Variants in ANKS1A observed in about 807,000 individuals in gnomAD.
ANKS1A encodes the protein ankyrin repeat and sterile alpha motif domain containing 1A.
Under a neutral mutation model 120.3 loss-of-function variants are expected in ANKS1A, and 55 were observed. The observed-to-expected ratio is 0.46, with a 90% CI of 0.37 to 0.57. The LOEUF is 0.57. Ranked by LOEUF, ANKS1A falls within the 20% of genes least tolerant of loss-of-function variation. The pLI is 0.00. For synonymous variants in ANKS1A, 590 were observed against 604.7 expected (o/e 0.98, Z 0.36); for missense variants, 1,123 against 1,480.3 (o/e 0.76, Z 3.96).
At chr6:35,068,904 A>G (rs932694543) in intron 13 of ANKS1A, among the ~76,000 whole-genome samples, 4 of 152,198 alleles carry the variant, frequency 2.6e-5, no homozygotes, top group Non-Finnish European at 5.9e-5. Flanking sequence ...GTCTGGAGCT[A>G]GAGTCCAGGC....
intron 13 of ANKS1A, chr6:35,070,857 A>G: frequency 1.6e-6 from 1 of 607,230 alleles, no homozygotes; most frequent in Non-Finnish European, 3.1e-6. Context: ...CGCGCCAAAG[A>G]TTTATTTCTT....
At chr6:34,902,201 TCCAG>T (rs1767381622) in intron 1 of ANKS1A, among the ~76,000 whole-genome samples, 1 of 152,172 alleles carries the variant, frequency 6.6e-6, no homozygotes, top group South Asian at 2.1e-4. Flanking sequence ...AAGTAGATGA[TCCAG>T]GGCTTAGTGC....
At chr6:35,072,302 G>A (rs820068) in intron 13 of ANKS1A, among the ~76,000 whole-genome samples, 55,171 of 152,108 alleles carry the variant, frequency 0.36, 10,360 homozygotes, top group East Asian at 0.61. Flanking sequence ...CCTTCCGTTC[G>A]CCTGGGCCTC....
At chr6:34,954,571 T>G (rs1484744259) in intron 1 of ANKS1A, among the ~76,000 whole-genome samples, 1 of 152,222 alleles carries the variant, frequency 6.6e-6, no homozygotes, top group Non-Finnish European at 1.5e-5. Context: ...TTGTGTCACG[T>G]GTGCAATTAA....
At chr6:34,964,681 A>G (rs1025425227) in intron 1 of ANKS1A, among the ~76,000 whole-genome samples, 13 of 152,320 alleles carry the variant, frequency 8.5e-5, no homozygotes, top group East Asian at 1.9e-4. Flanking sequence ...AACTCTTACA[A>G]TGAAGCAGTC....
chr6:34,991,864 A>AT (rs1003751060), intron 9 of ANKS1A, among the ~76,000 whole-genome samples: 38 of 151,424 alleles, frequency 2.5e-4, no homozygotes, highest in African/African-American at 8.0e-4. Context: ...GAAAAAAAAA[A>AT]AAGATTAAGG....
At chr6:34,984,873 A>G (rs1772100494) in intron 7 of ANKS1A, among the ~76,000 whole-genome samples, 2 of 152,168 alleles carry the variant, frequency 1.3e-5, no homozygotes, top group Admixed American at 1.3e-4. Flanking sequence ...TTTCATATTG[A>G]ATTAAAGAAA....
At chr6:35,077,942 G>T (rs942934854) in intron 13 of ANKS1A, among the ~76,000 whole-genome samples, 7 of 152,330 alleles carry the variant, frequency 4.6e-5, no homozygotes, top group East Asian at 3.9e-4. Flanking sequence ...TAGCGCTGCA[G>T]GTGGGCGCTC....
intron 13 of ANKS1A, among the ~76,000 whole-genome samples, chr6:35,073,820 C>T (rs1240112608): frequency 6.6e-6 from 1 of 152,180 alleles, no homozygotes; most frequent in Non-Finnish European, 1.5e-5. Flanking sequence ...GTCCCTTCTC[C>T]CTGAGTAAAG....
At chr6:34,937,263 G>A (rs1434846818) in intron 1 of ANKS1A, among the ~76,000 whole-genome samples, 1 of 151,742 alleles carries the variant, frequency 6.6e-6, no homozygotes, top group South Asian at 2.1e-4. Context: ...TTGAACTCAG[G>A]AGTTTGAGAC....
Position 35,077,026 on chromosome 6 carries a change from C to T in ANKS1A, c.2185-1532C>T, listed in dbSNP as rs1335387755. Among the ~76,000 whole-genome samples, 4 of 152,182 alleles carry T rather than the reference C, an allele frequency of 2.6e-5. No homozygotes were observed. In the South Asian group the frequency reaches 8.3e-4, roughly 32 times the overall value. ...TAGATAGATAAAACGTGGAAAGATGCTCATCCTCACCTCTGGATGAGATGA... is the reference window on the plus strand; with the variant it reads ...TAGATAGATAAAACGTGGAAAGATGTTCATCCTCACCTCTGGATGAGATGA... On this transcript the variant is annotated intron_variant, in intron 13 of 23. Transcript: ENST00000360359.
chr6:35,092,459 G>A (rs1186683946), downstream of ANKS1A, among the ~76,000 whole-genome samples: 2 of 152,228 alleles, frequency 1.3e-5, no homozygotes, highest in Non-Finnish European at 2.9e-5. Context: ...GCGAATGGCA[G>A]AGAGCCAAAT....
At chr6:35,023,053 T>C (rs950678712) in intron 11 of ANKS1A, among the ~76,000 whole-genome samples, 4 of 152,184 alleles carry the variant, frequency 2.6e-5, no homozygotes, top group Admixed American at 2.0e-4. Flanking sequence ...TGCTTATGTG[T>C]CGTGCATTAA....
chr6:34,892,496 AGCTG>A (rs1375570408), intron 1 of ANKS1A, among the ~76,000 whole-genome samples: 1 of 152,206 alleles, frequency 6.6e-6, no homozygotes, highest in African/African-American at 2.4e-5. Flanking sequence ...CCTGAAGTAA[AGCTG>A]GCAGAAATAG....
At chr6:34,969,545 C>G (rs898081490) in intron 2 of ANKS1A, among the ~76,000 whole-genome samples, 2 of 152,214 alleles carry the variant, frequency 1.3e-5, no homozygotes, top group East Asian at 3.9e-4. Flanking sequence ...GTGAGCCACT[C>G]TGCCCAGCCT....
chr6:34,889,481 C>G lies in ANKS1A; in HGVS notation c.79C>G (p.Arg27Gly). 1 of 1,284,128 alleles carries G rather than the reference C, an allele frequency of 7.8e-7. No individual in the cohort carries two copies. 79.5% of individuals were successfully genotyped at this position (1,284,128 alleles called of 1,614,324 possible). A position where few individuals can be genotyped will look rare whatever the true frequency, so the allele number is the denominator to read the frequency against. Residue 27 changes from arginine (R) to glycine (G), a missense_variant, in exon 1 of 24, where the codon CGG becomes GGG. Coordinates refer to ENST00000360359, the MANE Select transcript of ANKS1A (RefSeq NM_015245.3). This position sits in a 1 kb window ranked among gnomAD's most constrained non-coding sequence, Gnocchi z 5.5. ...GGTGGAGAAGCTGCTGTCCGGGAAG[C>G]GGCTCTCCTCAGGCTTTGGGGGCGG... ...PAVEKLLSGKRLSSGFGGGGG... is the reference protein window; with the variant it reads ...PAVEKLLSGKGLSSGFGGGGG...
chr6:35,085,299 C>T lies in ANKS1A; in HGVS notation c.3133-467C>T, dbSNP rs1297796235. ...TGACTTTTCCCACATACACTCAGTT[C>T]TGCTGTAACGCCACACATACGCTCC... On this transcript the variant is annotated intron_variant, in intron 21 of 23. Coordinates refer to ENST00000360359, the MANE Select transcript of ANKS1A (RefSeq NM_015245.3). The surrounding 1 kb of genome is among the most constrained non-coding windows in gnomAD (Gnocchi z 4.7). Among the ~76,000 whole-genome samples, 1 of 152,206 alleles carries T rather than the reference C, an allele frequency of 6.6e-6. No individual in the cohort carries two copies. The highest frequency in any genetic ancestry group is 2.4e-5 in the African/African-American group (1 of 41,442).
At chr6:34,987,796 C>T (rs547439877) in intron 8 of ANKS1A, among the ~76,000 whole-genome samples, 9 of 152,364 alleles carry the variant, frequency 5.9e-5, no homozygotes, top group Admixed American at 2.0e-4. Context: ...CTTGAGCTCT[C>T]GCGTAACTCA....
At chr6:34,968,611 T>C (rs1356096756) in intron 2 of ANKS1A, among the ~76,000 whole-genome samples, 1 of 152,224 alleles carries the variant, frequency 6.6e-6, no homozygotes, top group Non-Finnish European at 1.5e-5. Flanking sequence ...CTAATTTTTG[T>C]ATTTTTAGTA....
Sources: gnomAD v4.1 joint callset for allele counts (sites outside exome capture counted in the v4.1 genomes callset) on GRCh38, gnomAD v4.1.1 for gene constraint, Gnocchi (gnomAD v3.1) non-coding constraint, MANE v1.5 for transcripts, NCBI Gene and HGNC (gene_info 2026-07-23, HGNC 2026-07-21) for gene names.